Variants in EVA1C observed in about 807,000 individuals in gnomAD.
EVA1C encodes the protein protein eva-1 homolog C.
A neutral mutation model predicts 45.4 loss-of-function variants in EVA1C; 25 were observed. The observed-to-expected ratio is 0.55, with a 90% CI of 0.40 to 0.77. EVA1C has a LOEUF of 0.77. Among genes scored for constraint, EVA1C ranks in the 30% least tolerant of loss-of-function variants. The pLI is 0.00. For synonymous variants in EVA1C, 190 were observed against 221.2 expected, an observed-to-expected ratio of 0.86 and a Z score of 1.25; for missense variants, 479 against 554.8, an observed-to-expected ratio of 0.86 and a Z score of 1.37.
At chr21:32,442,542 A>G (rs2035213863) in intron 1 of EVA1C, among the ~76,000 whole-genome samples, 1 of 152,084 alleles carries the variant, frequency 6.6e-6, no homozygotes. Context: ...AAAGAAAAGA[A>G]CATCTTTTTC....
Position 32,503,945 on chromosome 21 carries a change from C to T in EVA1C, c.879C>T (p.Ser293=), listed in dbSNP as rs77205309. Residue 293 remains serine (S), a synonymous_variant, in exon 7 of 8, where the codon AGC becomes AGT. Transcript: ENST00000300255. ...AAACAGGTATAAACTTCGACCCAAG[C>T]GGATCGAAGGTTCTGAGGAAAGATG... The part of the protein sequence containing the change: ...DGEYGINFDP[S]GSKVLRKDGI... 4.5e-3 allele frequency: 7,205 copies of T among 1,610,480 alleles called. 151 individuals are homozygous for T. In the Admixed American group the frequency reaches 0.049, roughly 11 times the overall value.
At chr21:32,480,968 A>AT (rs2036760207) in intron 4 of EVA1C, among the ~76,000 whole-genome samples, 1 of 151,994 alleles carries the variant, frequency 6.6e-6, no homozygotes, top group South Asian at 2.1e-4. Context: ...TCTCAAAAAA[A>AT]AAAAAATAAA....
intron 7 of EVA1C, among the ~76,000 whole-genome samples, chr21:32,509,139 T>C (rs1601074226): frequency 6.6e-6 from 1 of 152,230 alleles, no homozygotes; most frequent in African/African-American, 2.4e-5. Flanking sequence ...CCTAGCCAAG[T>C]GGTGGCTTTG....
chr21:32,442,180 G>A (rs1290147717), intron 1 of EVA1C, among the ~76,000 whole-genome samples: 1 of 152,156 alleles, frequency 6.6e-6, no homozygotes, highest in Non-Finnish European at 1.5e-5. Flanking sequence ...TCTCTCCTCT[G>A]TGGTTTGTTT....
intron 7 of EVA1C, among the ~76,000 whole-genome samples, chr21:32,511,030 ACTCTCTCTCTCTCCCT>A (rs1218759792): frequency 7.3e-6 from 1 of 137,038 alleles, no homozygotes; most frequent in Non-Finnish European, 1.5e-5. Flanking sequence ...ACAAAGGGAG[ACTCTCTCTCTCTCCCT>A]CTCTCTCTCT....
At chr21:32,445,914 A>G (rs1211091612) in intron 1 of EVA1C, among the ~76,000 whole-genome samples, 1 of 152,188 alleles carries the variant, frequency 6.6e-6, no homozygotes, top group African/African-American at 2.4e-5. Flanking sequence ...CATGAGCTGC[A>G]CCAAGATCCC....
At chr21:32,448,272 C>T (rs1426896587) in intron 1 of EVA1C, among the ~76,000 whole-genome samples, 2 of 152,204 alleles carry the variant, frequency 1.3e-5, no homozygotes, top group Non-Finnish European at 1.5e-5. Context: ...GAAGGCATTC[C>T]GCACCCGCTT....
chr21:32,437,150 ACT>A (rs1452494234), intron 1 of EVA1C, among the ~76,000 whole-genome samples: 1 of 152,220 alleles, frequency 6.6e-6, no homozygotes, highest in Non-Finnish European at 1.5e-5. Flanking sequence ...ACAGAGCGAG[ACT>A]CTTTCTCAAA....
rs1381391816 is a variant in EVA1C at position 32,429,028 on chromosome 21, A to AT, written c.160+16018dup. Among the ~76,000 whole-genome samples, 107 of 145,306 alleles carry AT rather than the reference A, an allele frequency of 7.4e-4. No homozygotes were observed. The Middle Eastern group carries it at 0.01, about 14-fold the overall frequency. ...TCAATTTATTTTTATTTATTTATTT[A>AT]TTTATTTTTTGAGACAGGGTCTCGC... On this transcript the variant is annotated intron_variant, in intron 1 of 7. Coordinates refer to ENST00000300255, the MANE Select transcript of EVA1C (RefSeq NM_058187.5).
At chr21:32,420,480 G>A (rs1418525849) in intron 1 of EVA1C, among the ~76,000 whole-genome samples, 1 of 152,236 alleles carries the variant, frequency 6.6e-6, no homozygotes, top group South Asian at 2.1e-4. Flanking sequence ...AACCTCTGGG[G>A]CTCAAGCCAT....
intron 4 of EVA1C, among the ~76,000 whole-genome samples, chr21:32,469,280 G>T (rs1425334180): frequency 6.6e-6 from 1 of 152,186 alleles, no homozygotes; most frequent in Non-Finnish European, 1.5e-5. Flanking sequence ...AAATCCATGG[G>T]GAAGGGCAGG....
intron 5 of EVA1C, among the ~76,000 whole-genome samples, chr21:32,500,976 G>A (rs1185824845): frequency 6.6e-6 from 1 of 152,046 alleles, no homozygotes; most frequent in Non-Finnish European, 1.5e-5. Context: ...ACCATGCCCA[G>A]CTAACTTTGT....
rs995751315 is a variant in EVA1C at position 32,465,798 on chromosome 21, G to A, written c.482-1898G>A. ...CAGGTGTGAGCCACCACACCCAGCC[G>A]TGTTAGCTACCATTATTTAAAGATA... On this transcript the variant is annotated intron_variant, in intron 3 of 7. Transcript: ENST00000300255. 5.3e-5 allele frequency among the ~76,000 whole-genome samples: 8 copies of A among 152,068 alleles called. No individual in the cohort carries two copies. In the South Asian group the frequency reaches 8.3e-4, roughly 16 times the overall value.
chr21:32,506,321 A>G (rs151077444), intron 7 of EVA1C, among the ~76,000 whole-genome samples: 269 of 149,600 alleles, frequency 1.8e-3, no homozygotes, highest in African/African-American at 6.3e-3. Context: ...GACTGCTGAT[A>G]TGGGCTTATG....
intron 4 of EVA1C, among the ~76,000 whole-genome samples, chr21:32,475,436 T>C: frequency 6.6e-6 from 1 of 151,864 alleles, no homozygotes; most frequent in Non-Finnish European, 1.5e-5. Flanking sequence ...CAGCCACAAA[T>C]GTTACTCATC....
Position 32,416,944 on chromosome 21 carries a change from A to C in EVA1C, c.160+3931A>C, listed in dbSNP as rs529745924. ...TGTCCCCAGACCTCAAACAAAGGTC[A>C]CTCTATAATAGAAGTGTTGTTGTTG... On this transcript the variant is annotated intron_variant, in intron 1 of 7. Coordinates refer to ENST00000300255, the MANE Select transcript of EVA1C (RefSeq NM_058187.5). Among the ~76,000 whole-genome samples, 3 of 152,286 alleles carry C rather than the reference A, an allele frequency of 2.0e-5. No homozygotes were observed. The East Asian group carries it at 5.8e-4, about 30-fold the overall frequency.
At chr21:32,443,520 A>G (rs932355694) in intron 1 of EVA1C, among the ~76,000 whole-genome samples, 1 of 152,174 alleles carries the variant, frequency 6.6e-6, no homozygotes, top group African/African-American at 2.4e-5. Context: ...CTGGGCAAGA[A>G]GAGCGAAACT....
At chr21:32,514,137 C>T (rs549792027) in intron 7 of EVA1C, among the ~76,000 whole-genome samples, 1 of 152,264 alleles carries the variant, frequency 6.6e-6, no homozygotes, top group Non-Finnish European at 1.5e-5. Context: ...GTGACTCAAG[C>T]GTCCGTGAAT....
chr21:32,494,879 G>C, intron 4 of EVA1C, 148 bp from the exon 5 acceptor site: 1 of 776,914 alleles, frequency 1.3e-6, no homozygotes, highest in South Asian at 1.9e-5. Context: ...CCCATCTTGG[G>C]TGCTTTAATG....
Sources: allele counts gnomAD v4.1 joint callset (sites outside exome capture counted in the v4.1 genomes callset), GRCh38; gene constraint gnomAD v4.1.1; transcripts MANE v1.5; gene names NCBI Gene and HGNC (gene_info 2026-07-23, HGNC 2026-07-21).